CEP85L: variants seen among roughly 807,000 people sequenced by gnomAD.
The protein encoded by CEP85L is centrosomal protein 85L.
In CEP85L, 60 loss-of-function variants were observed where a neutral mutation model predicts 100.3. The ratio of observed to expected loss-of-function variants is 0.60; its 90% CI spans 0.49 to 0.74. The LOEUF (loss-of-function observed/expected upper bound fraction) is 0.74, where lower values mean the gene tolerates loss of function less well. CEP85L is among the 30% of genes least tolerant of loss of function. CEP85L has a pLI of 0.00. For synonymous variants in CEP85L, 319 were observed against 322.7 expected (o/e 0.99, Z 0.12); for missense variants, 973 against 936.2 (o/e 1.04, Z -0.51).
chr6:118,651,103 A>G, intron 1 of CEP85L, 94 bp downstream of exon 1: 1 of 1,404,652 alleles, frequency 7.1e-7, no homozygotes, highest in South Asian at 1.5e-5. Context: ...GGGGTAAGAC[A>G]GGCCTGAGGC....
intron 3 of CEP85L, among the ~76,000 whole-genome samples, chr6:118,534,883 G>A (rs1016736503): frequency 2.0e-5 from 3 of 151,962 alleles, no homozygotes; most frequent in Non-Finnish European, 4.4e-5. Flanking sequence ...AGCCAGGTGT[G>A]GTGGTGCACA....
chr6:118,468,960 A>C, intron 12 of CEP85L, 112 bp downstream of exon 12: 2 of 702,008 alleles, frequency 2.8e-6, no homozygotes, highest in South Asian at 1.8e-5. Context: ...ACTGATTCTA[A>C]GTAGGAAAAG....
chr6:118,698,928 T>C (rs9489504), intron 1 of CEP85L, among the ~76,000 whole-genome samples: 88,674 of 151,862 alleles, frequency 0.58, 27,132 homozygotes, highest in Non-Finnish European at 0.7. Flanking sequence ...TGTTAAACTC[T>C]ATTCTATAGG....
At chr6:118,513,850 T>C (rs1425581853) in intron 4 of CEP85L, among the ~76,000 whole-genome samples, 1 of 151,942 alleles carries the variant, frequency 6.6e-6, no homozygotes, top group Admixed American at 6.6e-5. Flanking sequence ...GATAAACACA[T>C]GGGCAAATAA....
chr6:118,577,615 G>A, intron 2 of CEP85L, among the ~76,000 whole-genome samples: 1 of 152,120 alleles, frequency 6.6e-6, no homozygotes, highest in East Asian at 1.9e-4. Flanking sequence ...GCCATTAAAG[G>A]AACAGCTGAA....
intron 3 of CEP85L, among the ~76,000 whole-genome samples, chr6:118,562,172 T>C (rs767011103): frequency 6.6e-6 from 1 of 152,186 alleles, no homozygotes; most frequent in Non-Finnish European, 1.5e-5. Context: ...TTTGAATATA[T>C]AAATTATCTC....
chr6:118,630,664 G>C (rs1350341727), intron 2 of CEP85L, among the ~76,000 whole-genome samples: 1 of 152,178 alleles, frequency 6.6e-6, no homozygotes, highest in Non-Finnish European at 1.5e-5. Flanking sequence ...ATATTACTAA[G>C]TGAATAAAGC....
At chr6:118,697,759 T>C (rs2114344337) in intron 1 of CEP85L, among the ~76,000 whole-genome samples, 1 of 152,288 alleles carries the variant, frequency 6.6e-6, no homozygotes. Context: ...CTCACATATA[T>C]ACTATTTCCA....
chr6:118,484,632 A>G (rs553909858), intron 6 of CEP85L, among the ~76,000 whole-genome samples: 4 of 152,208 alleles, frequency 2.6e-5, no homozygotes, highest in Non-Finnish European at 5.9e-5. Flanking sequence ...ACAGGCACAG[A>G]AAAAAAGCCT....
chr6:118,608,698 G>A lies in CEP85L; in HGVS notation c.232+23755C>T, dbSNP rs372819799. The stretch of plus-strand genomic sequence containing the variant: ...TATCATGTATTAAATTTCCATATAC[G>A]CATGTGTTTTAAAAAAGTACTTAAG... On this transcript the variant is annotated intron_variant, in intron 2 of 12. Transcript: ENST00000368491. Among the ~76,000 whole-genome samples, 12 of 151,924 alleles carry A rather than the reference G, an allele frequency of 7.9e-5. 1 individual carries two copies. The highest frequency in any genetic ancestry group is 9.7e-5 in the African/African-American group (4 of 41,340).
At chr6:118,652,564 C>T, upstream of CEP85L, 1 of 1,436,278 alleles carries the variant, frequency 7.0e-7, no homozygotes, top group Non-Finnish European at 9.1e-7. Context: ...GCTTTGAGTT[C>T]CGCTTTTCCT....
chr6:118,629,139 T>C (rs1367193176), intron 2 of CEP85L, among the ~76,000 whole-genome samples: 2 of 151,972 alleles, frequency 1.3e-5, no homozygotes, highest in Non-Finnish European at 2.9e-5. Context: ...TGATTTAAAG[T>C]ATACAGAAGT....
In CEP85L at chr6:118,550,253, T is replaced by A. The variant is rs188469446; in HGVS notation, c.1020+15276A>T. On this transcript the variant is annotated intron_variant, in intron 3 of 12. Transcript: ENST00000368491. ...AAAATGATCACATTTGGGTATATAATCATATCTTTAATTAGTGAGATTAAG... is the reference window on the plus strand; with the variant it reads ...AAAATGATCACATTTGGGTATATAAACATATCTTTAATTAGTGAGATTAAG... Among the ~76,000 whole-genome samples the A allele has an allele frequency of 4.7e-4, 72 of 151,952 alleles. No homozygotes were observed. In the East Asian group the frequency reaches 5.8e-3, roughly 12 times the overall value.
At chr6:118,501,845 G>T in intron 5 of CEP85L, 1 of 1,294,092 alleles carries the variant, frequency 7.7e-7, no homozygotes, top group Admixed American at 1.9e-5. Flanking sequence ...CTCTGGAGAT[G>T]CCGAAGCACA....
chr6:118,707,190 C>CTTTT (rs5879468), intron 1 of CEP85L, among the ~76,000 whole-genome samples: 14 of 135,850 alleles, frequency 1.0e-4, no homozygotes, highest in Non-Finnish European at 1.4e-4. Flanking sequence ...TCCTCATCTG[C>CTTTT]TTTTTTTTTT....
Position 118,647,090 on chromosome 6 carries a change from T to C in CEP85L, c.73+4107A>G, listed in dbSNP as rs370368070. On this transcript the variant is annotated intron_variant, in intron 1 of 12. Transcript: ENST00000368491. Reference sequence around the variant, plus strand: ...GGGTTTAGGCCAGAGTTATGTTTCATTGTTACCACAGTATTCCTAGAAGTC... The same window carrying C: ...GGGTTTAGGCCAGAGTTATGTTTCACTGTTACCACAGTATTCCTAGAAGTC... 619 of 984,672 alleles carry C rather than the reference T, an allele frequency of 6.3e-4. 11 individuals are homozygous for C. The South Asian group carries it at 0.024, about 38-fold the overall frequency. The allele number at this position is 984,672 out of a possible 1,614,324, so 61.0% of individuals were successfully genotyped here.
At chr6:118,648,038 G>A (rs1466800592) in intron 1 of CEP85L, among the ~76,000 whole-genome samples, 2 of 152,042 alleles carry the variant, frequency 1.3e-5, no homozygotes, top group Non-Finnish European at 2.9e-5. Flanking sequence ...TGGATCACTT[G>A]AGGCCAGGAG....
intron 12 of CEP85L, among the ~76,000 whole-genome samples, chr6:118,466,994 C>G (rs925800054): frequency 6.6e-6 from 1 of 151,932 alleles, no homozygotes; most frequent in Non-Finnish European, 1.5e-5. Flanking sequence ...TGGGCACAGG[C>G]GCCAGATGAA....
chr6:118,551,478 G>T (rs535030564), intron 3 of CEP85L, among the ~76,000 whole-genome samples: 2 of 151,260 alleles, frequency 1.3e-5, no homozygotes. Context: ...CTCCTACAGG[G>T]TTAAGAAGAA....
Sources: gnomAD v4.1 joint callset for allele counts (sites outside exome capture counted in the v4.1 genomes callset) on GRCh38, gnomAD v4.1.1 for gene constraint, MANE v1.5 for transcripts, NCBI Gene and HGNC (gene_info 2026-07-23, HGNC 2026-07-21) for gene names.